Variants in PCDH7 observed in about 807,000 individuals in gnomAD.
The protein encoded by PCDH7 is protocadherin 7.
In PCDH7, 17 loss-of-function variants were observed where a neutral mutation model predicts 58.9. The ratio of observed to expected loss-of-function variants is 0.29; its 90% CI spans 0.20 to 0.43. The LOEUF is 0.43. Among genes scored for constraint, PCDH7 ranks in the 20% least tolerant of loss-of-function variants. The pLI is 1.00. For missense variants in PCDH7, 1,274 were observed against 1,441.0 expected (o/e 0.88, Z 1.88); for synonymous variants, 664 against 616.4 (o/e 1.08, Z -1.14).
chr4:30,873,526 G>T (rs1735889372), intron 1 of PCDH7, among the ~76,000 whole-genome samples: 1 of 151,994 alleles, frequency 6.6e-6, no homozygotes, highest in Admixed American at 6.6e-5. Flanking sequence ...TCTAAATAAT[G>T]AGAAATTTTG....
intron 1 of PCDH7, among the ~76,000 whole-genome samples, chr4:30,836,148 A>G (rs1476246546): frequency 6.6e-6 from 1 of 152,186 alleles, no homozygotes; most frequent in Non-Finnish European, 1.5e-5. Context: ...AAACATGAAG[A>G]TGTTGTAAGT....
At chr4:31,080,212 T>C (rs901287763) in intron 3 of PCDH7, among the ~76,000 whole-genome samples, 3 of 152,162 alleles carry the variant, frequency 2.0e-5, no homozygotes, top group Non-Finnish European at 2.9e-5. Flanking sequence ...GTTTGAGTTG[T>C]AAAATGTCAC....
intron 1 of PCDH7, among the ~76,000 whole-genome samples, chr4:30,747,662 A>T: frequency 6.6e-6 from 1 of 152,234 alleles, no homozygotes; most frequent in East Asian, 1.9e-4. Flanking sequence ...CCATCTGGAT[A>T]ATCCAAGACA....
At chr4:30,966,952 C>G (rs575230111) in intron 3 of PCDH7, among the ~76,000 whole-genome samples, 1 of 152,100 alleles carries the variant, frequency 6.6e-6, no homozygotes, top group Non-Finnish European at 1.5e-5. Context: ...ATCAACTTCT[C>G]TATGCCTCAG....
chr4:30,967,801 C>T (rs73214957), intron 3 of PCDH7, among the ~76,000 whole-genome samples: 4,227 of 152,144 alleles, frequency 0.028, 84 homozygotes, highest in Middle Eastern at 0.11. Context: ...ACATTTAGTA[C>T]CCAATCTATA....
At chr4:31,019,347 T>C (rs766026911) in intron 3 of PCDH7, among the ~76,000 whole-genome samples, 2 of 152,186 alleles carry the variant, frequency 1.3e-5, no homozygotes, top group African/African-American at 2.4e-5. Flanking sequence ...AAAATGTTGA[T>C]TAAATTTTAC....
At chr4:31,038,981 G>C (rs373828269) in intron 3 of PCDH7, among the ~76,000 whole-genome samples, 1 of 152,104 alleles carries the variant, frequency 6.6e-6, no homozygotes, top group East Asian at 1.9e-4. Context: ...TGTTTTCAAA[G>C]AGTAAATTAG....
intron 1 of PCDH7, among the ~76,000 whole-genome samples, chr4:30,759,002 C>A (rs866520979): frequency 1.4e-5 from 2 of 138,930 alleles, no homozygotes; most frequent in South Asian, 4.8e-4. Flanking sequence ...AGTGCAGTGA[C>A]GTGATCGCGG....
intron 1 of PCDH7, among the ~76,000 whole-genome samples, chr4:30,887,872 T>A (rs1464013339): frequency 1.8e-5 from 1 of 55,556 alleles, no homozygotes; most frequent in South Asian, 4.4e-4. Context: ...TTCTTTTTGG[T>A]TTTTTTTTTT....
At chr4:31,048,384 TAAAGA>T (rs542178310) in intron 3 of PCDH7, among the ~76,000 whole-genome samples, 98 of 152,204 alleles carry the variant, frequency 6.4e-4, no homozygotes, top group Middle Eastern at 3.4e-3. Context: ...CTGTTTTCAA[TAAAGA>T]TTACATCCCA....
intron 1 of PCDH7, among the ~76,000 whole-genome samples, chr4:30,895,293 G>A (rs1200405943): frequency 2.6e-5 from 4 of 151,874 alleles, no homozygotes; most frequent in African/African-American, 9.7e-5. Context: ...TTTACTATAG[G>A]TCTATAGCAT....
chr4:31,065,641 A>C (rs2109244459), intron 3 of PCDH7, among the ~76,000 whole-genome samples: 1 of 152,130 alleles, frequency 6.6e-6, no homozygotes, highest in South Asian at 2.1e-4. Context: ...TAAGTCAATC[A>C]GCACGTACCG....
At chr4:31,120,435 T>C (rs1717538848) in intron 3 of PCDH7, among the ~76,000 whole-genome samples, 1 of 118,526 alleles carries the variant, frequency 8.4e-6, no homozygotes, top group South Asian at 3.1e-4. Context: ...TTCTTTCTAT[T>C]TTTTTCTTTT....
At chr4:30,896,336 G>C (rs1461099321) in intron 1 of PCDH7, among the ~76,000 whole-genome samples, 1 of 151,874 alleles carries the variant, frequency 6.6e-6, no homozygotes, top group Non-Finnish European at 1.5e-5. Flanking sequence ...CAGCTTAATT[G>C]CTTTTCTAGA....
intron 1 of PCDH7, among the ~76,000 whole-genome samples, chr4:30,861,851 A>G (rs1186440673): frequency 6.6e-6 from 1 of 152,180 alleles, no homozygotes; most frequent in African/African-American, 2.4e-5. Flanking sequence ...ACTTAGAAGT[A>G]GAGCACCTTG....
intron 1 of PCDH7, among the ~76,000 whole-genome samples, chr4:30,895,444 G>A (rs1739279293): frequency 6.6e-6 from 1 of 152,068 alleles, no homozygotes; most frequent in Non-Finnish European, 1.5e-5. Flanking sequence ...AACATATGAT[G>A]TATTTCTAAT....
At chr4:30,919,376 G>A (rs1742892645) in intron 1 of PCDH7, among the ~76,000 whole-genome samples, 1 of 152,086 alleles carries the variant, frequency 6.6e-6, no homozygotes, top group Non-Finnish European at 1.5e-5. Context: ...GCCATTGTCA[G>A]TAACATAGTA....
chr4:30,917,304 C>T (rs1435435440), intron 1 of PCDH7, among the ~76,000 whole-genome samples: 1 of 152,058 alleles, frequency 6.6e-6, no homozygotes, highest in Non-Finnish European at 1.5e-5. Context: ...ATTTTCACTT[C>T]TGTATTAATT....
intron 3 of PCDH7, among the ~76,000 whole-genome samples, chr4:31,115,845 C>T (rs1716925651): frequency 6.6e-6 from 1 of 152,158 alleles, no homozygotes; most frequent in Non-Finnish European, 1.5e-5. Context: ...TCCATTATCA[C>T]TACTGAATTC....
Sources: gnomAD v4.1 joint callset for allele counts (sites outside exome capture counted in the v4.1 genomes callset) on GRCh38, gnomAD v4.1.1 for gene constraint, MANE v1.5 for transcripts, NCBI Gene and HGNC (gene_info 2026-07-23, HGNC 2026-07-21) for gene names.